Variants in ADCY8 observed in about 807,000 individuals in gnomAD.
ADCY8 encodes the protein adenylate cyclase 8.
In ADCY8, 51 loss-of-function variants were observed where a neutral mutation model predicts 119.7. The ratio of observed to expected loss-of-function variants is 0.43; its 90% confidence interval spans 0.34 to 0.54. ADCY8 has a LOEUF of 0.54. ADCY8 is among the 20% of genes least tolerant of loss of function. The pLI, the probability that ADCY8 is intolerant of heterozygous loss-of-function variation, is 0.03. For synonymous variants in ADCY8, 665 were observed against 651.0 expected (o/e 1.02, Z -0.33); for missense variants, 1,383 against 1,598.8 (o/e 0.87, Z 2.30).
intron 3 of ADCY8, among the ~76,000 whole-genome samples, chr8:130,948,906 G>T (rs1038037708): frequency 5.9e-5 from 9 of 152,020 alleles, no homozygotes; most frequent in Non-Finnish European, 2.9e-5. Flanking sequence ...ACGCCCCGCC[G>T]CCCCGAGCTG....
chr8:131,035,665 T>C (rs1216429616), intron 1 of ADCY8, among the ~76,000 whole-genome samples: 2 of 152,184 alleles, frequency 1.3e-5, no homozygotes, highest in Non-Finnish European at 2.9e-5. Context: ...CAGATTCTCA[T>C]AGCTTAGATT....
intron 1 of ADCY8, among the ~76,000 whole-genome samples, chr8:130,999,856 G>A (rs1306290849): frequency 1.3e-5 from 2 of 152,176 alleles, no homozygotes; most frequent in African/African-American, 4.8e-5. Context: ...GGAACGATGT[G>A]TTGCAATCCA....
intron 1 of ADCY8, among the ~76,000 whole-genome samples, chr8:131,010,086 T>G (rs777322741): frequency 6.6e-5 from 10 of 152,234 alleles, no homozygotes; most frequent in Non-Finnish European, 1.2e-4. Flanking sequence ...TCACCTAACT[T>G]GCCCAAGAAT....
chr8:130,805,390 C>A (rs1815915119), intron 14 of ADCY8, among the ~76,000 whole-genome samples: 1 of 152,186 alleles, frequency 6.6e-6, no homozygotes, highest in South Asian at 2.1e-4. Context: ...ATAATAATGA[C>A]AAGCAGGAAT....
At chr8:131,009,388 G>T (rs1823228453) in intron 1 of ADCY8, among the ~76,000 whole-genome samples, 3 of 151,980 alleles carry the variant, frequency 2.0e-5, no homozygotes, top group African/African-American at 7.2e-5. Context: ...TGAATCATGG[G>T]GTGGTTTCCC....
chr8:130,987,327 G>A (rs1029448597), intron 2 of ADCY8, among the ~76,000 whole-genome samples: 1 of 152,092 alleles, frequency 6.6e-6, no homozygotes, highest in African/African-American at 2.4e-5. Flanking sequence ...ACATGTCTGT[G>A]TAGTCATTCA....
chr8:130,943,494 G>GGGGGGGC, intron 3 of ADCY8, 32 bp from the exon 4 acceptor site: 1 of 500,400 alleles, frequency 2.0e-6, no homozygotes, highest in East Asian at 5.4e-5. Context: ...GGGGTGGGGG[G>GGGGGGGC]AGGAAGTATA....
intron 5 of ADCY8, among the ~76,000 whole-genome samples, chr8:130,918,922 A>C (rs573340958): frequency 1.3e-5 from 2 of 152,312 alleles, no homozygotes; most frequent in South Asian, 2.1e-4. Flanking sequence ...TTAGCTGGGC[A>C]TGGTGGCACA....
chr8:130,876,688 C>A (rs747227531), intron 8 of ADCY8, among the ~76,000 whole-genome samples: 1 of 150,288 alleles, frequency 6.7e-6, no homozygotes, highest in Admixed American at 6.6e-5. Context: ...ACATGTGTGA[C>A]ATGTGTGGAT....
chr8:130,940,193 G>A (rs540215173), intron 4 of ADCY8, among the ~76,000 whole-genome samples: 9 of 152,292 alleles, frequency 5.9e-5, no homozygotes, highest in Admixed American at 5.9e-4. Flanking sequence ...AAGGCCACAC[G>A]GCAAGTAAGA....
intron 8 of ADCY8, among the ~76,000 whole-genome samples, chr8:130,874,308 A>G (rs1818475552): frequency 7.7e-6 from 1 of 130,272 alleles, no homozygotes; most frequent in South Asian, 2.3e-4. Context: ...ACTCTGACTT[A>G]AAAAATAAAT....
At position 130,961,132 on chromosome 8, in the gene ADCY8, C is replaced by T. The variant is rs144065850; in HGVS notation, c.1111-9134G>A. Among the ~76,000 whole-genome samples, 9 of 152,084 alleles carry T rather than the reference C, an allele frequency of 5.9e-5. No individual in the cohort carries two copies. In the East Asian group the frequency reaches 7.8e-4, roughly 13 times the overall value. On this transcript the variant is annotated intron_variant, in intron 2 of 17. Coordinates refer to ENST00000286355, the MANE Select transcript of ADCY8 (RefSeq NM_001115.3). ...TTCTTTCTTATTTATTTTTTTGAGA[C>T]GGAGTCTCACTCTGTCACCCAGGCT...
At chr8:130,995,130 A>T in intron 1 of ADCY8, among the ~76,000 whole-genome samples, 1 of 152,188 alleles carries the variant, frequency 6.6e-6, no homozygotes, top group Non-Finnish European at 1.5e-5. Flanking sequence ...TCTACTCATG[A>T]GTTCAGTAAC....
chr8:130,986,916 T>C (rs555684771), intron 2 of ADCY8, among the ~76,000 whole-genome samples: 1 of 152,346 alleles, frequency 6.6e-6, no homozygotes, highest in African/African-American at 2.4e-5. Context: ...GAAAACCTAG[T>C]GTCCAGCATT....
intron 15 of ADCY8, among the ~76,000 whole-genome samples, chr8:130,792,969 G>A (rs1815469439): frequency 6.6e-6 from 1 of 152,100 alleles, no homozygotes; most frequent in South Asian, 2.1e-4. Flanking sequence ...ACCAGCTCCA[G>A]CCTTCTTCTT....
In ADCY8 at chr8:131,008,193, G is replaced by C. The variant is rs1333725412; in HGVS notation, c.961-17651C>G. Among the ~76,000 whole-genome samples, 3 of 152,248 alleles carry C rather than the reference G, an allele frequency of 2.0e-5. No individual in the cohort carries two copies. The East Asian group carries it at 5.8e-4, about 29-fold the overall frequency. On this transcript the variant is annotated intron_variant, in intron 1 of 17. Coordinates refer to ENST00000286355, the MANE Select transcript of ADCY8 (RefSeq NM_001115.3). ...GGATGCTGAAGCAAAGACAAGTTAA[G>C]TAACTTGCTTCAGCTCACCCCTCCA...
intron 11 of ADCY8, among the ~76,000 whole-genome samples, chr8:130,839,473 C>G (rs1817078207): frequency 7.2e-6 from 1 of 139,568 alleles, no homozygotes. Flanking sequence ...CTCCTCTGTG[C>G]TTTTTATACC....
At chr8:130,836,240 T>G in intron 12 of ADCY8, 37 bp downstream of exon 12, 1 of 1,567,806 alleles carries the variant, frequency 6.4e-7, no homozygotes, top group Non-Finnish European at 8.7e-7. Context: ...CCACAGGAAG[T>G]TGAGCACACT....
At chr8:130,931,616 A>G (rs1392704487) in intron 5 of ADCY8, among the ~76,000 whole-genome samples, 2 of 151,968 alleles carry the variant, frequency 1.3e-5, no homozygotes, top group Admixed American at 6.6e-5. Context: ...AAATCTTGTA[A>G]GCTTTCTTTA....
Sources: allele counts gnomAD v4.1 joint callset (sites outside exome capture counted in the v4.1 genomes callset), GRCh38; gene constraint gnomAD v4.1.1; transcripts MANE v1.5; gene names NCBI Gene and HGNC (gene_info 2026-07-23, HGNC 2026-07-21).